The following ZNF492 variants were observed in gnomAD, a reference collection of about 807,000 sequenced individuals.
The protein encoded by ZNF492 is zinc finger protein 115 (Y20).
ZNF492 carries 3 observed loss-of-function variants against 6.4 expected under a neutral mutation model. The ratio of observed to expected loss-of-function variants is 0.47; its 90% CI spans 0.21 to 1.22. ZNF492 has a LOEUF of 1.22. Ranked by LOEUF, ZNF492 falls within the 50% of genes most tolerant of loss-of-function variation. The pLI is 0.22. For synonymous variants in ZNF492, 112 were observed against 205.3 expected (o/e 0.55, Z 3.89); for missense variants, 356 against 612.5 (o/e 0.58, Z 4.42).
chr19:22,634,561 C>T lies in ZNF492; in HGVS notation c.-94+87C>T, dbSNP rs574290464. 4 of 1,226,766 alleles carry T rather than the reference C, an allele frequency of 3.3e-6. No homozygotes were observed. In the South Asian group the frequency reaches 4.8e-5, roughly 15 times the overall value. The allele number at this position is 1,226,766 out of a possible 1,614,324, so 76.0% of individuals were successfully genotyped here. ...GAGGCTGTGGCGGGACTCAGGCCTC[C>T]CCGCAGTCGGCTCCACAATCTGCGC... On this transcript the variant is annotated intron_variant, in intron 1 of 3. Transcript: ENST00000456783.
intron 1 of ZNF492, 107 bp downstream of exon 1, chr19:22,634,581 C>G: frequency 8.8e-7 from 1 of 1,142,064 alleles, no homozygotes; most frequent in South Asian, 1.3e-5. Flanking sequence ...GCTCCACAAT[C>G]TGCGCCCCAA....
chr19:22,665,574 A>C lies in ZNF492; in HGVS notation c.*309A>C. 3.2e-6 allele frequency: 1 copy of C among 309,354 alleles called. No individual in the cohort carries two copies. The highest frequency in any genetic ancestry group is 5.9e-6 in the Non-Finnish European group (1 of 170,546). The allele number at this position is 309,354 out of a possible 1,614,324, so 19.2% of individuals were successfully genotyped here. On this transcript the variant is annotated 3_prime_UTR_variant, in exon 4 of 4. Coordinates refer to ENST00000456783, the MANE Select transcript of ZNF492 (RefSeq NM_020855.3). The stretch of plus-strand genomic sequence containing the variant: ...GCATTTAAAGTGCTGAAGAGGATTT[A>C]TTTTGAAGACAAACATTACAAATAT...
At position 22,636,867 on chromosome 19, in the gene ZNF492, C is replaced by T. The variant is rs1489269629; in HGVS notation, c.-94+2393C>T. On this transcript the variant is annotated intron_variant, in intron 1 of 3. Transcript: ENST00000456783. ...CAGGCTGGTCTTGAACTCCTGACCTCAAGTGATCTGCCTGCCTCGGCCTCC... is the reference window on the plus strand; with the variant it reads ...CAGGCTGGTCTTGAACTCCTGACCTTAAGTGATCTGCCTGCCTCGGCCTCC... 2.7e-5 allele frequency among the ~76,000 whole-genome samples: 4 copies of T among 150,288 alleles called. No individual in the cohort carries two copies. The East Asian group carries it at 5.9e-4, about 22-fold the overall frequency.
intron 1 of ZNF492, among the ~76,000 whole-genome samples, chr19:22,645,585 A>G (rs1350155526): frequency 6.6e-6 from 1 of 152,108 alleles, no homozygotes; most frequent in Admixed American, 6.6e-5. Flanking sequence ...TTTGTCATGA[A>G]GTCTTTGCCG....
intron 1 of ZNF492, among the ~76,000 whole-genome samples, chr19:22,641,349 A>T (rs1971823875): frequency 6.6e-6 from 1 of 152,018 alleles, no homozygotes; most frequent in Middle Eastern, 3.2e-3. Flanking sequence ...CCTTAATTTC[A>T]TTATTTACCC....
intron 3 of ZNF492, among the ~76,000 whole-genome samples, chr19:22,656,647 G>A (rs1407827917): frequency 6.6e-6 from 1 of 152,072 alleles, no homozygotes; most frequent in Non-Finnish European, 1.5e-5. Flanking sequence ...CCAGACTGTG[G>A]CTGGGAGGAG....
rs747223027 is a variant in ZNF492 at position 22,664,656 on chromosome 19, A to G, written c.987A>G (p.Arg329=). ...TATCCCACCTTACTACACATAAGAG[A>G]ATTCATTCTGGAGAGAAACCCTACA... is the stretch of plus-strand genomic sequence containing the variant. ...SQLSHLTTHK[R]IHSGEKPYKC... The change falls in exon 4 of 4, where the codon AGA becomes AGG. Residue 329 remains arginine, a synonymous_variant. Coordinates refer to ENST00000456783, the MANE Select transcript of ZNF492 (RefSeq NM_020855.3). The G allele has an allele frequency of 7.4e-6, 12 of 1,612,512 alleles. No individual in the cohort carries two copies. Among genetic ancestry groups the G allele is most frequent in the East Asian group, 2.2e-5 (1 of 44,822 alleles).
At chr19:22,637,416 C>G (rs906081759) in intron 1 of ZNF492, among the ~76,000 whole-genome samples, 2 of 152,102 alleles carry the variant, frequency 1.3e-5, no homozygotes, top group African/African-American at 4.8e-5. Context: ...CTTTAGCCCC[C>G]CAAGTAGCTG....
chr19:22,648,424 T>G (rs139588174), intron 1 of ZNF492, among the ~76,000 whole-genome samples: 12,342 of 152,228 alleles, frequency 0.081, 1,621 homozygotes, highest in African/African-American at 0.28. Flanking sequence ...TATATTCTGT[T>G]GATTTGGGGT....
intron 1 of ZNF492, among the ~76,000 whole-genome samples, chr19:22,643,623 A>G (rs566664521): frequency 5.3e-5 from 8 of 152,340 alleles, no homozygotes; most frequent in Non-Finnish European, 7.3e-5. Flanking sequence ...TATAAGCTCA[A>G]TAAAACTTGA....
At chr19:22,646,547 T>A (rs1023996656) in intron 1 of ZNF492, among the ~76,000 whole-genome samples, 2 of 152,230 alleles carry the variant, frequency 1.3e-5, no homozygotes, top group African/African-American at 4.8e-5. Flanking sequence ...TAACTTCTAA[T>A]ACTATATTCA....
chr19:22,663,889 T>A lies in ZNF492; in HGVS notation c.220T>A (p.Cys74Ser). ...AGTGATACTGAGAAGATATAAAAAATGTGGATGTGAAAATTTACAGTTAAG... is the reference window on the plus strand; with the variant it reads ...AGTGATACTGAGAAGATATAAAAAAAGTGGATGTGAAAATTTACAGTTAAG... ...QKVILRRYKK[C>S]GCENLQLRKY... The change falls in exon 4 of 4, where the codon TGT (cysteine) becomes AGT (serine). Residue 74 changes from cysteine (C) to serine (S), a missense_variant. Transcript: ENST00000456783. The A allele has an allele frequency of 6.3e-7, 1 of 1,588,218 alleles. No individual in the cohort carries two copies. Among genetic ancestry groups the A allele is most frequent in the Non-Finnish European group, 8.6e-7 (1 of 1,168,234 alleles).
At position 22,634,332 on chromosome 19, in the gene ZNF492, C is replaced by CGGAG. The variant is rs1239629553; in HGVS notation, c.-236_-235insGGAG. On this transcript the variant is annotated 5_prime_UTR_variant, in exon 1 of 4. Coordinates refer to ENST00000456783, the MANE Select transcript of ZNF492 (RefSeq NM_020855.3). ...TTCCGGGATGTGGCGGGGTCTTTGTCTCTCGCTGCAGTCGGAGTATGGTCT... is the reference window on the plus strand; with the variant it reads ...TTCCGGGATGTGGCGGGGTCTTTGTCGGAGTCTCGCTGCAGTCGGAGTATGGTCT... 1.4e-5 allele frequency: 13 copies of CGGAG among 941,798 alleles called. No homozygotes were observed. Among genetic ancestry groups the CGGAG allele is most frequent in the Non-Finnish European group, 2.1e-5 (13 of 631,270 alleles). 58.3% of individuals were successfully genotyped at this position (941,798 alleles called of 1,614,324 possible). A position where few individuals can be genotyped will look rare whatever the true frequency, so the allele number is the denominator to read the frequency against.
chr19:22,660,060 G>T (rs999642683), intron 3 of ZNF492, among the ~76,000 whole-genome samples: 1 of 152,082 alleles, frequency 6.6e-6, no homozygotes, highest in African/African-American at 2.4e-5. Context: ...TTAAGATGTA[G>T]CTTGCATAAT....
intron 1 of ZNF492, among the ~76,000 whole-genome samples, chr19:22,651,079 A>G (rs12984903): frequency 0.19 from 29,175 of 152,006 alleles, 3,676 homozygotes; most frequent in African/African-American, 0.36. Flanking sequence ...GGGTTGCACA[A>G]TTCCATGGAA....
At chr19:22,643,914 G>A (rs556244035) in intron 1 of ZNF492, among the ~76,000 whole-genome samples, 2 of 152,178 alleles carry the variant, frequency 1.3e-5, no homozygotes, top group African/African-American at 4.8e-5. Flanking sequence ...GGACAGGGCA[G>A]TGTGGCTCAT....
At chr19:22,642,997 C>T (rs1426674899) in intron 1 of ZNF492, among the ~76,000 whole-genome samples, 2 of 152,168 alleles carry the variant, frequency 1.3e-5, no homozygotes, top group Non-Finnish European at 2.9e-5. Context: ...GCCGTGGTGG[C>T]TCACTCCTGT....
intron 1 of ZNF492, among the ~76,000 whole-genome samples, chr19:22,637,743 A>T (rs140307874): frequency 6.6e-6 from 1 of 152,218 alleles, no homozygotes; most frequent in African/African-American, 2.4e-5. Context: ...ATGCCCAATT[A>T]TGAGGTTGCT....
chr19:22,647,432 T>G (rs1332547415), intron 1 of ZNF492, among the ~76,000 whole-genome samples: 1 of 151,188 alleles, frequency 6.6e-6, no homozygotes, highest in Non-Finnish European at 1.5e-5. Context: ...AATTTTTTTT[T>G]TTAATTTTTA....
Sources: allele counts gnomAD v4.1 joint callset (sites outside exome capture counted in the v4.1 genomes callset), GRCh38; gene constraint gnomAD v4.1.1; transcripts MANE v1.5; gene names NCBI Gene and HGNC (gene_info 2026-07-23, HGNC 2026-07-21).